The following ABRACL variants were observed in gnomAD, a reference collection of about 807,000 sequenced individuals.
ABRACL encodes costars family protein ABRACL.
In ABRACL, 4 loss-of-function variants were observed where a neutral mutation model predicts 7.0. The observed-to-expected ratio is 0.57, with a 90% CI of 0.28 to 1.30. ABRACL has a LOEUF of 1.30. Among genes scored for constraint, ABRACL ranks in the 50% most tolerant of loss-of-function variants. ABRACL has a pLI of 0.10. For synonymous variants in ABRACL, 30 were observed against 36.0 expected (o/e 0.83, Z 0.60); for missense variants, 104 against 97.3 (o/e 1.07, Z -0.29).
chr6:139,029,483 C>T (rs1786046069), intron 1 of ABRACL, among the ~76,000 whole-genome samples: 1 of 152,048 alleles, frequency 6.6e-6, no homozygotes, highest in South Asian at 2.1e-4. Flanking sequence ...GGCGCCGGGC[C>T]GGGAGCTGCG....
intron 2 of ABRACL, 54 bp from the exon 3 acceptor site, chr6:139,042,664 CT>C (rs1370452359): frequency 1.3e-6 from 2 of 1,514,800 alleles, no homozygotes; most frequent in South Asian, 2.5e-5. Context: ...GTCTTCCATA[CT>C]TGAGGGTATG....
intron 2 of ABRACL, among the ~76,000 whole-genome samples, chr6:139,035,404 A>G (rs372914913): frequency 6.6e-6 from 1 of 152,196 alleles, no homozygotes; most frequent in Admixed American, 6.5e-5. Context: ...GCCTTGGCTC[A>G]TGACTGTGTT....
intron 2 of ABRACL, among the ~76,000 whole-genome samples, chr6:139,041,224 A>G (rs1786238027): frequency 6.6e-6 from 1 of 151,806 alleles, no homozygotes; most frequent in Non-Finnish European, 1.5e-5. Flanking sequence ...GCCCAAAGAC[A>G]TCTTGCCCTC....
chr6:139,037,302 C>T (rs537278917), intron 2 of ABRACL, among the ~76,000 whole-genome samples: 4 of 152,102 alleles, frequency 2.6e-5, no homozygotes, highest in African/African-American at 7.2e-5. Context: ...CTCTGTTTCC[C>T]GGGCTGGAGT....
chr6:139,040,544 A>G (rs1443900920), intron 2 of ABRACL, among the ~76,000 whole-genome samples: 1 of 152,106 alleles, frequency 6.6e-6, no homozygotes, highest in African/African-American at 2.4e-5. Context: ...TGTGAGAGGT[A>G]TTTTTGCCCT....
At chr6:139,034,242 G>A (rs375831677) in intron 2 of ABRACL, 21 bp downstream of exon 2, 3 of 1,614,082 alleles carry the variant, frequency 1.9e-6, no homozygotes, top group African/African-American at 1.3e-5. Context: ...GACAGAGATA[G>A]AGTATTTCTC....
At chr6:139,032,367 T>C (rs1281504110) in intron 1 of ABRACL, among the ~76,000 whole-genome samples, 2 of 152,258 alleles carry the variant, frequency 1.3e-5, no homozygotes, top group African/African-American at 2.4e-5. Flanking sequence ...GTTACAGATA[T>C]GACTTCACCA....
chr6:139,041,711 G>T (rs1786256551), intron 2 of ABRACL, among the ~76,000 whole-genome samples: 2 of 151,704 alleles, frequency 1.3e-5, no homozygotes, highest in Non-Finnish European at 2.9e-5. Flanking sequence ...ATACTGCTTT[G>T]TACTGTTGCT....
chr6:139,041,547 G>T, intron 2 of ABRACL, among the ~76,000 whole-genome samples: 1 of 80,534 alleles, frequency 1.2e-5, no homozygotes, highest in African/African-American at 4.1e-5. Flanking sequence ...TTTTAGGAGA[G>T]ACATGGTCTG....
At chr6:139,029,417 G>T (rs1030092009) in intron 1 of ABRACL, among the ~76,000 whole-genome samples, 3 of 152,156 alleles carry the variant, frequency 2.0e-5, no homozygotes, top group Admixed American at 2.0e-4. Context: ...GCCCGGGTTG[G>T]GTGCTCGCTC....
At chr6:139,042,646 T>C in intron 2 of ABRACL, 73 bp from the exon 3 acceptor site, 1 of 1,401,350 alleles carries the variant, frequency 7.1e-7, no homozygotes, top group Non-Finnish European at 9.8e-7. Context: ...TTATTAAAGA[T>C]TTTGTAAGTC....
intron 2 of ABRACL, among the ~76,000 whole-genome samples, chr6:139,042,068 G>C (rs1350703179): frequency 1.3e-5 from 2 of 151,840 alleles, no homozygotes; most frequent in Non-Finnish European, 2.9e-5. Flanking sequence ...CCCAAGGATA[G>C]GGAGGTGTCT....
In ABRACL at chr6:139,029,791, G is replaced by T. The variant is rs190310508; in HGVS notation, c.-7+916G>T. On this transcript the variant is annotated intron_variant, in intron 1 of 2. Coordinates refer to ENST00000367660, the MANE Select transcript of ABRACL (RefSeq NM_021243.3). ...AAGAAGGGCTGGGAAAACGTGCCCA[G>T]CCCGAGTGTGTAAAGTTGGTTCCTG... is the stretch of plus-strand genomic sequence containing the variant. Among the ~76,000 whole-genome samples, 360 of 152,308 alleles carry T rather than the reference G, an allele frequency of 2.4e-3. 2 individuals are homozygous for T. Among genetic ancestry groups the T allele is most frequent in the Non-Finnish European group, 3.9e-3 (264 of 68,018 alleles).
At chr6:139,035,974 T>A (rs543711446) in intron 2 of ABRACL, among the ~76,000 whole-genome samples, 1 of 150,008 alleles carries the variant, frequency 6.7e-6, no homozygotes, top group Non-Finnish European at 1.5e-5. Flanking sequence ...CATGCTGGCA[T>A]GTGCCTGTAA....
At position 139,042,939 on chromosome 6, in the gene ABRACL, G is replaced by A; in HGVS notation, c.*36G>A. ...ATATCTTTATGTACTGCCATTTTTT[G>A]TTTCTGGTAAACTGGAATATAAAGT... On this transcript the variant is annotated 3_prime_UTR_variant, in exon 3 of 3. Coordinates refer to ENST00000367660, the MANE Select transcript of ABRACL (RefSeq NM_021243.3). The A allele has an allele frequency of 6.6e-7, 1 of 1,509,354 alleles. No individual in the cohort carries two copies. Among genetic ancestry groups the A allele is most frequent in the Non-Finnish European group, 8.9e-7 (1 of 1,119,500 alleles). 93.5% of individuals were successfully genotyped at this position (1,509,354 alleles called of 1,614,324 possible). A position where few individuals can be genotyped will look rare whatever the true frequency, so the allele number is the denominator to read the frequency against.
intron 2 of ABRACL, among the ~76,000 whole-genome samples, chr6:139,037,120 C>G (rs370300506): frequency 2.0e-5 from 3 of 152,166 alleles, no homozygotes; most frequent in South Asian, 4.1e-4. Flanking sequence ...GTTGGGGGCA[C>G]TCAATGAAGT....
chr6:139,036,284 C>T lies in ABRACL; in HGVS notation c.61+2063C>T, dbSNP rs141284955. Among the ~76,000 whole-genome samples the T allele has an allele frequency of 1.2e-4, 18 of 152,026 alleles. 1 individual carries two copies. Among genetic ancestry groups the T allele is most frequent in the Admixed American group, 1.0e-3 (16 of 15,266 alleles). On this transcript the variant is annotated intron_variant, in intron 2 of 2. Coordinates refer to ENST00000367660, the MANE Select transcript of ABRACL (RefSeq NM_021243.3). The stretch of plus-strand genomic sequence containing the variant: ...TAAGGACTTTTTGGATTACACTGGG[C>T]TCACCCAGATAATCTAGGATACCTT...
At chr6:139,034,278 A>G (rs1470744362) in intron 2 of ABRACL, 57 bp downstream of exon 2, 1 of 1,614,092 alleles carries the variant, frequency 6.2e-7, no homozygotes. Flanking sequence ...AACAGGTGAG[A>G]CTGGCATGCT....
intron 1 of ABRACL, among the ~76,000 whole-genome samples, chr6:139,031,247 C>A (rs956788178): frequency 3.9e-5 from 6 of 152,176 alleles, no homozygotes; most frequent in Non-Finnish European, 8.8e-5. Flanking sequence ...ATTAATATTT[C>A]TAGGAACAGG....
Sources: gnomAD v4.1 joint callset for allele counts (sites outside exome capture counted in the v4.1 genomes callset) on GRCh38, gnomAD v4.1.1 for gene constraint, MANE v1.5 for transcripts, NCBI Gene and HGNC (gene_info 2026-07-23, HGNC 2026-07-21) for gene names.